PPP3R2: variants seen among roughly 807,000 people sequenced by gnomAD.
PPP3R2 encodes the protein protein phosphatase 3 regulatory subunit B, beta.
For missense variants in PPP3R2, 225 were observed against 217.4 expected, an observed-to-expected ratio of 1.03 and a Z score of -0.22; for synonymous variants, 91 against 91.5, an observed-to-expected ratio of 0.99 and a Z score of 0.03.
chr9:101,594,892 C>G lies in PPP3R2; in HGVS notation c.30G>C (p.Glu10Asp), dbSNP rs375935503. ...CATCATTGTCAAAGTGGGAGCACAT[C>G]TCCGCCGGGTAACTGGCCTCGTTTC... is the stretch of plus-strand genomic sequence containing the variant. Reference protein sequence around the residue: MGNEASYPAEMCSHFDNDEI... With the variant: MGNEASYPADMCSHFDNDEI... The change falls in exon 1 of 1, where the codon GAG becomes GAC. Residue 10 changes from glutamate (E) to aspartate (D), a missense_variant. Transcript: ENST00000374806. 6.6e-5 allele frequency: 105 copies of G among 1,600,442 alleles called. No homozygotes were observed. The highest frequency in any genetic ancestry group is 6.5e-5 in the Non-Finnish European group (77 of 1,179,930).
chr9:101,594,054 T>C lies in PPP3R2; in HGVS notation c.*355A>G, dbSNP rs1430363828. The C allele has an allele frequency of 4.9e-6, 1 of 206,102 alleles. No individual in the cohort carries two copies. The highest frequency in any genetic ancestry group is 9.7e-6 in the Non-Finnish European group (1 of 102,950). The allele number at this position is 206,102 out of a possible 1,614,324, so 12.8% of individuals were successfully genotyped here. A position where few individuals can be genotyped will look rare whatever the true frequency, so the allele number is the denominator to read the frequency against. ...TGCAAATTATAAATTTCCTCCCATA[T>C]ACAAAATGATGAGAAATAACAGCAA... is the stretch of plus-strand genomic sequence containing the variant. On this transcript the variant is annotated 3_prime_UTR_variant, in exon 1 of 1. Transcript: ENST00000374806.
Position 101,594,585 on chromosome 9 carries a change from AG to A in PPP3R2, c.336del (p.Phe113SerfsTer4). ...DKDGYISNGE[L>X]FQVLKMMVGN... ...CCCACCATCATCTTCAGCACCTGGA[AG>A]AGCTCCCCGTTGGAAATGTAGCCAT... is the stretch of plus-strand genomic sequence containing the variant. On this transcript the variant is annotated frameshift_variant, in exon 1 of 1. Transcript: ENST00000374806. LOFTEE classifies it low-confidence loss of function (END_TRUNC). 1 of 1,614,202 alleles carries A rather than the reference AG, an allele frequency of 6.2e-7. No individual in the cohort carries two copies. Among genetic ancestry groups the A allele is most frequent in the Non-Finnish European group, 8.5e-7 (1 of 1,180,046 alleles).
rs767251662 is a variant in PPP3R2 at position 101,594,509 on chromosome 9, A to C, written c.413T>G (p.Ile138Ser). ...QLQQLVDKTIIILDKDGDGKI... is the reference protein window; with the variant it reads ...QLQQLVDKTISILDKDGDGKI... The stretch of plus-strand genomic sequence containing the variant: ...CCCATCGCCATCCTTGTCCAGGATG[A>C]TGATGGTTTTGTCGACCAGCTGCTG... Residue 138 changes from isoleucine to serine, a missense_variant, in exon 1 of 1, where the codon ATC becomes AGC. Physicochemically the swap from Ile to Ser is moderately radical, Grantham distance 142 (BLOSUM62 -2). Coordinates refer to ENST00000374806, the MANE Select transcript of PPP3R2 (RefSeq NM_147180.4). 6.2e-7 allele frequency: 1 copy of C among 1,614,134 alleles called. No homozygotes were observed. The highest frequency in any genetic ancestry group is 1.3e-5 in the African/African-American group (1 of 75,014).
rs906528742 is a variant in PPP3R2, at chr9:101,594,778, C to G, written c.144G>C (p.Glu48Asp). Residue 48 changes from glutamate to aspartate, a missense_variant, in exon 1 of 1, where the codon GAG (glutamate) becomes GAC (aspartate). Glu to Asp is a conservative substitution (Grantham distance 45). Coordinates refer to ENST00000374806, the MANE Select transcript of PPP3R2 (RefSeq NM_147180.4). ...LSVEEFMSLPELRHNPLVRRV... is the reference protein window; with the variant it reads ...LSVEEFMSLPDLRHNPLVRRV... ...GCCGCACCAACGGGTTGTGGCGCAG[C>G]TCCGGCAGGGACATGAACTCCTCCA... 6.8e-6 allele frequency: 11 copies of G among 1,613,770 alleles called. No individual in the cohort carries two copies. The highest frequency in any genetic ancestry group is 9.3e-6 in the Non-Finnish European group (11 of 1,180,046).
In PPP3R2 at chr9:101,593,978, C is replaced by T. The variant is rs1828071165; in HGVS notation, c.*431G>A. 1 of 157,768 alleles carries T rather than the reference C, an allele frequency of 6.3e-6. No homozygotes were observed. Among genetic ancestry groups the T allele is most frequent in the Admixed American group, 6.3e-5 (1 of 15,900 alleles). The allele number at this position is 157,768 out of a possible 1,614,324, so 9.8% of individuals were successfully genotyped here. On this transcript the variant is annotated 3_prime_UTR_variant, in exon 1 of 1. Coordinates refer to ENST00000374806, the MANE Select transcript of PPP3R2 (RefSeq NM_147180.4). ...GTTGCTACAATAGGAAGTTAACAAT[C>T]TGGCAAGATATCTGAACACAAGCAA...
rs1337311300 is a variant in PPP3R2 at position 101,594,594 on chromosome 9, C to T, written c.328G>A (p.Gly110Arg). 2 of 1,614,070 alleles carry T rather than the reference C, an allele frequency of 1.2e-6. No individual in the cohort carries two copies. Among genetic ancestry groups the T allele is most frequent in the South Asian group, 1.1e-5 (1 of 91,076 alleles). ...DMDKDGYISN[G>R]ELFQVLKMMV... ...ATCTTCAGCACCTGGAAGAGCTCCC[C>T]GTTGGAAATGTAGCCATCTTTATCC... is the stretch of plus-strand genomic sequence containing the variant. Residue 110 changes from glycine (G) to arginine (R), a missense_variant, in exon 1 of 1, where the codon GGG becomes AGG. Transcript: ENST00000374806.
Position 101,594,215 on chromosome 9 carries a change from A to C in PPP3R2, c.*194T>G. The C allele has an allele frequency of 2.3e-4, 137 of 608,262 alleles. No homozygotes were observed. The highest frequency in any genetic ancestry group is 4.4e-4 in the Middle Eastern group (1 of 2,256). The allele number at this position is 608,262 out of a possible 1,614,324, so 37.7% of individuals were successfully genotyped here. On this transcript the variant is annotated 3_prime_UTR_variant, in exon 1 of 1. Coordinates refer to ENST00000374806, the MANE Select transcript of PPP3R2 (RefSeq NM_147180.4). ...TCATTTGACTTGCTCTTCCCCCTAT[A>C]GGGTACCCTGAGTCATTCAGAGAAG...
In PPP3R2 at chr9:101,594,706, G is replaced by C. The variant is rs768315406; in HGVS notation, c.216C>G (p.Phe72Leu). The C allele has an allele frequency of 6.2e-7, 1 of 1,614,144 alleles. No homozygotes were observed. The highest frequency in any genetic ancestry group is 1.1e-5 in the South Asian group (1 of 91,076). The part of the protein sequence containing the change: ...FDTDGDGEVD[F>L]KEFILGTSQF... ...GGGAGGTCCCCAGGATGAATTCCTT[G>C]AAGTCCACTTCTCCATCACCGTCGG... The change falls in exon 1 of 1, where the codon TTC becomes TTG. Residue 72 changes from phenylalanine (F) to leucine (L), a missense_variant. Phe to Leu is a conservative substitution (Grantham distance 22). Coordinates refer to ENST00000374806, the MANE Select transcript of PPP3R2 (RefSeq NM_147180.4).
Position 101,591,833 on chromosome 9 carries a change from AGTAG to A in PPP3R2, c.*2572_*2575del, listed in dbSNP as rs1828030659. ...CACAAAGCCTTAGGTAACTATCTTG[AGTAG>A]ATTTATTGAACAATTAGCTTGTAAA... On this transcript the variant is annotated 3_prime_UTR_variant, in exon 1 of 1. Coordinates refer to ENST00000374806, the MANE Select transcript of PPP3R2 (RefSeq NM_147180.4). The A allele has an allele frequency of 6.6e-6, 1 of 152,202 alleles. No homozygotes were observed. The highest frequency in any genetic ancestry group is 2.4e-5 in the African/African-American group (1 of 41,456). The allele number at this position is 152,202 out of a possible 1,614,324, so 9.4% of individuals were successfully genotyped here.
At position 101,594,292 on chromosome 9, in the gene PPP3R2, T is replaced by G; in HGVS notation, c.*117A>C. ...TGAAGCTCCTGTTAGGACATATGGC[T>G]TCACAAAAAGAAATACTTCCAGATA... On this transcript the variant is annotated 3_prime_UTR_variant, in exon 1 of 1. Transcript: ENST00000374806. The G allele has an allele frequency of 2.2e-6, 3 of 1,339,360 alleles. No individual in the cohort carries two copies. The highest frequency in any genetic ancestry group is 1.5e-5 in the South Asian group (1 of 67,342). The allele number at this position is 1,339,360 out of a possible 1,614,324, so 83.0% of individuals were successfully genotyped here. A position where few individuals can be genotyped will look rare whatever the true frequency, so the allele number is the denominator to read the frequency against.
chr9:101,594,906 T>A lies in PPP3R2; in HGVS notation c.16A>T (p.Ser6Cys), dbSNP rs1349910106. 6.3e-7 allele frequency: 1 copy of A among 1,599,302 alleles called. No homozygotes were observed. The highest frequency in any genetic ancestry group is 8.5e-7 in the Non-Finnish European group (1 of 1,179,632). The change falls in exon 1 of 1, where the codon AGT becomes TGT. Residue 6 changes from serine to cysteine, a missense_variant. By Grantham distance (112) the Ser-to-Cys change is moderately radical. Coordinates refer to ENST00000374806, the MANE Select transcript of PPP3R2 (RefSeq NM_147180.4). ...TGGGAGCACATCTCCGCCGGGTAACTGGCCTCGTTTCCCATTGTGGACATC... is the reference window on the plus strand; with the variant it reads ...TGGGAGCACATCTCCGCCGGGTAACAGGCCTCGTTTCCCATTGTGGACATC... Reference protein sequence around the residue: MGNEASYPAEMCSHFD... With the variant: MGNEACYPAEMCSHFD...
chr9:101,593,256 T>C lies in PPP3R2; in HGVS notation c.*1153A>G, dbSNP rs1335902821. On this transcript the variant is annotated 3_prime_UTR_variant, in exon 1 of 1. Transcript: ENST00000374806. ...CTGGATCTCCCCTGGAACCACAGGC[T>C]CCGGCTCACCCAATGGTGGAGATCT... 1 of 152,234 alleles carries C rather than the reference T, an allele frequency of 6.6e-6. No homozygotes were observed. Among genetic ancestry groups the C allele is most frequent in the African/African-American group, 2.4e-5 (1 of 41,454 alleles). The allele number at this position is 152,234 out of a possible 1,614,324, so 9.4% of individuals were successfully genotyped here.
rs762338521 is a variant in PPP3R2 at position 101,594,368 on chromosome 9, A to G, written c.*41T>C. 1.3e-6 allele frequency: 2 copies of G among 1,545,816 alleles called. No individual in the cohort carries two copies. The highest frequency in any genetic ancestry group is 4.0e-5 in the Admixed American group (2 of 50,520). ...GAGCAAATCTTGAAAGAGATAGGGAAGAAAGCAGAAGTTGTTGGGTGGTGC... is the reference window on the plus strand; with the variant it reads ...GAGCAAATCTTGAAAGAGATAGGGAGGAAAGCAGAAGTTGTTGGGTGGTGC... On this transcript the variant is annotated 3_prime_UTR_variant, in exon 1 of 1. Coordinates refer to ENST00000374806, the MANE Select transcript of PPP3R2 (RefSeq NM_147180.4).
In PPP3R2 at chr9:101,592,703, T is replaced by G. The variant is rs564274433; in HGVS notation, c.*1706A>C. ...GTAATCTATTAAATACAAAAGTATA[T>G]GGTAGGGTACCTTGATAGATGGGTT... On this transcript the variant is annotated 3_prime_UTR_variant, in exon 1 of 1. Coordinates refer to ENST00000374806, the MANE Select transcript of PPP3R2 (RefSeq NM_147180.4). 6.6e-6 allele frequency: 1 copy of G among 152,206 alleles called. No homozygotes were observed. The highest frequency in any genetic ancestry group is 2.1e-4 in the South Asian group (1 of 4,824). The allele number at this position is 152,206 out of a possible 1,614,324, so 9.4% of individuals were successfully genotyped here.
Position 101,592,380 on chromosome 9 carries a change from G to A in PPP3R2, c.*2029C>T, listed in dbSNP as rs998022766. 1 of 152,262 alleles carries A rather than the reference G, an allele frequency of 6.6e-6. No homozygotes were observed. Among genetic ancestry groups the A allele is most frequent in the Non-Finnish European group, 1.5e-5 (1 of 68,058 alleles). 9.4% of individuals were successfully genotyped at this position (152,262 alleles called of 1,614,324 possible). A position where few individuals can be genotyped will look rare whatever the true frequency, so the allele number is the denominator to read the frequency against. The stretch of plus-strand genomic sequence containing the variant: ...AGGGAAGGGAATTAGTTGAATGAAA[G>A]TGGAATTGTGCTCCAGGTGTGTTGC... On this transcript the variant is annotated 3_prime_UTR_variant, in exon 1 of 1. Coordinates refer to ENST00000374806, the MANE Select transcript of PPP3R2 (RefSeq NM_147180.4).
Position 101,594,477 on chromosome 9 carries a change from A to G in PPP3R2, c.445T>C (p.Ser149Pro). 1 of 1,614,140 alleles carries G rather than the reference A, an allele frequency of 6.2e-7. No homozygotes were observed. The highest frequency in any genetic ancestry group is 8.5e-7 in the Non-Finnish European group (1 of 1,180,036). Residue 149 changes from serine to proline, a missense_variant, in exon 1 of 1, where the codon TCC (serine) becomes CCC (proline). By Grantham distance (74) the Ser-to-Pro change is moderately conservative. Coordinates refer to ENST00000374806, the MANE Select transcript of PPP3R2 (RefSeq NM_147180.4). ...ILDKDGDGKI[S>P]FEEFSAVVRD... Reference sequence around the variant, plus strand: ...ACCACAGCACTGAATTCCTCAAAGGATATCTTCCCATCGCCATCCTTGTCC... The same window carrying G: ...ACCACAGCACTGAATTCCTCAAAGGGTATCTTCCCATCGCCATCCTTGTCC...
In PPP3R2 at chr9:101,594,913, G is replaced by A. The variant is rs770834555; in HGVS notation, c.9C>T (p.Asn3=). The change falls in exon 1 of 1, where the codon AAC becomes AAT. Residue 3 remains asparagine, a synonymous_variant. Coordinates refer to ENST00000374806, the MANE Select transcript of PPP3R2 (RefSeq NM_147180.4). The stretch of plus-strand genomic sequence containing the variant: ...ACATCTCCGCCGGGTAACTGGCCTC[G>A]TTTCCCATTGTGGACATCTGGCAAC... MG[N]EASYPAEMCS... 4.4e-6 allele frequency: 7 copies of A among 1,598,670 alleles called. No individual in the cohort carries two copies. The highest frequency in any genetic ancestry group is 1.7e-5 in the Admixed American group (1 of 59,938).
rs547123769 is a variant in PPP3R2 at position 101,594,471 on chromosome 9, C to G, written c.451G>C (p.Glu151Gln). ...TCTCTGACCACAGCACTGAATTCCT[C>G]AAAGGATATCTTCCCATCGCCATCC... is the stretch of plus-strand genomic sequence containing the variant. ...DKDGDGKISF[E>Q]EFSAVVRDLE... The change falls in exon 1 of 1, where the codon GAG becomes CAG. Residue 151 changes from glutamate to glutamine, a missense_variant. Physicochemically the swap from Glu to Gln is conservative, Grantham distance 29. Coordinates refer to ENST00000374806, the MANE Select transcript of PPP3R2 (RefSeq NM_147180.4). The G allele has an allele frequency of 6.2e-7, 1 of 1,614,182 alleles. No individual in the cohort carries two copies. The highest frequency in any genetic ancestry group is 2.2e-5 in the East Asian group (1 of 44,876).
At position 101,592,357 on chromosome 9, in the gene PPP3R2, G is replaced by A. The variant is rs1828041530; in HGVS notation, c.*2052C>T. The A allele has an allele frequency of 6.6e-6, 1 of 152,236 alleles. No individual in the cohort carries two copies. The highest frequency in any genetic ancestry group is 6.5e-5 in the Admixed American group (1 of 15,278). The allele number at this position is 152,236 out of a possible 1,614,324, so 9.4% of individuals were successfully genotyped here. A position where few individuals can be genotyped will look rare whatever the true frequency, so the allele number is the denominator to read the frequency against. ...TTGTAGAAGGGGAAGAAGGGGGAAG[G>A]GAAGGGAATTAGTTGAATGAAAGTG... On this transcript the variant is annotated 3_prime_UTR_variant, in exon 1 of 1. Coordinates refer to ENST00000374806, the MANE Select transcript of PPP3R2 (RefSeq NM_147180.4).
Sources: allele counts gnomAD v4.1 joint callset, GRCh38; gene constraint gnomAD v4.1.1; transcripts MANE v1.5; gene names NCBI Gene and HGNC (gene_info 2026-07-23, HGNC 2026-07-21).